VPS41: variants seen among roughly 807,000 people sequenced by gnomAD.
The protein encoded by VPS41 is VPS41 subunit of HOPS complex, also known as vacuolar protein sorting-associated protein 41 homolog.
VPS41 carries 85 observed loss-of-function variants against 130.9 expected under a neutral mutation model. That is an observed-to-expected ratio of 0.65 (90% confidence interval 0.55 to 0.78). VPS41 has a LOEUF of 0.78. Among genes scored for constraint, VPS41 ranks in the 30% least tolerant of loss-of-function variants. The probability of loss-of-function intolerance (pLI) is 0.00; values close to 1 mark genes in which losing one functional copy is unlikely to be tolerated. For missense variants in VPS41, 874 were observed against 1,018.7 expected, an observed-to-expected ratio of 0.86 and a Z score of 1.93; for synonymous variants, 335 against 332.9, an observed-to-expected ratio of 1.01 and a Z score of -0.07.
At chr7:38,862,778 T>A (rs1475451240) in intron 3 of VPS41, among the ~76,000 whole-genome samples, 156 bp from the exon 4 acceptor site, 1 of 152,164 alleles carries the variant, frequency 6.6e-6, no homozygotes, top group Non-Finnish European at 1.5e-5. Context: ...GTTTCCAGCT[T>A]CTGGGAAATA....
At chr7:38,779,181 C>T (rs780466559) in intron 10 of VPS41, among the ~76,000 whole-genome samples, 3 of 152,254 alleles carry the variant, frequency 2.0e-5, no homozygotes, top group East Asian at 1.9e-4. Flanking sequence ...AATTTGGACA[C>T]GGACTATATG....
At chr7:38,789,714 A>G (rs985356002) in intron 10 of VPS41, 87 bp downstream of exon 10, 2 of 1,364,726 alleles carry the variant, frequency 1.5e-6, no homozygotes, top group Non-Finnish European at 2.1e-6. Flanking sequence ...TCCAGGCAAA[A>G]GACTATGGCA....
intron 10 of VPS41, among the ~76,000 whole-genome samples, chr7:38,782,496 GT>G (rs1784369758): frequency 6.6e-6 from 1 of 152,164 alleles, no homozygotes; most frequent in African/African-American, 2.4e-5. Context: ...TGGGTTTTTG[GT>G]TTTGTGACCT....
At chr7:38,784,635 A>G (rs375737155) in intron 10 of VPS41, among the ~76,000 whole-genome samples, 11 of 138,062 alleles carry the variant, frequency 8.0e-5, no homozygotes, top group African/African-American at 2.9e-4. Flanking sequence ...CCCTATATCG[A>G]AAGAAGGAGG....
intron 4 of VPS41, among the ~76,000 whole-genome samples, chr7:38,850,224 G>T (rs1181640325): frequency 6.6e-6 from 1 of 152,174 alleles, no homozygotes; most frequent in East Asian, 1.9e-4. Context: ...TTGCCAAGTT[G>T]ATGGTTATAA....
chr7:38,860,707 G>A (rs1199788035), intron 4 of VPS41, among the ~76,000 whole-genome samples: 4 of 72,452 alleles, frequency 5.5e-5, no homozygotes, highest in African/African-American at 1.2e-4. Flanking sequence ...TTGTGTGTGT[G>A]TGTGTGTGTG....
chr7:38,825,522 C>A (rs2190668), intron 5 of VPS41, among the ~76,000 whole-genome samples: 2 of 152,148 alleles, frequency 1.3e-5, no homozygotes, highest in African/African-American at 2.4e-5. Context: ...GGAATCCCTC[C>A]GCTTTTGGGA....
intron 4 of VPS41, among the ~76,000 whole-genome samples, chr7:38,841,500 T>C (rs1785606951): frequency 6.6e-6 from 1 of 152,182 alleles, no homozygotes; most frequent in Non-Finnish European, 1.5e-5. Flanking sequence ...AGCTTCAAAG[T>C]CAGTGGATGC....
chr7:38,827,223 C>T (rs1329983441), intron 5 of VPS41, among the ~76,000 whole-genome samples: 3 of 152,118 alleles, frequency 2.0e-5, no homozygotes, highest in Non-Finnish European at 2.9e-5. Context: ...TAAAAATCTA[C>T]TCCAGGAAGC....
intron 13 of VPS41, among the ~76,000 whole-genome samples, chr7:38,771,573 A>G (rs1784153698): frequency 6.6e-6 from 1 of 152,164 alleles, no homozygotes; most frequent in African/African-American, 2.4e-5. Flanking sequence ...CACAAATCAA[A>G]ATACAACAAA....
chr7:38,877,411 A>G lies in VPS41; in HGVS notation c.61-8158T>C, dbSNP rs1209916633. On this transcript the variant is annotated intron_variant, in intron 2 of 28. Transcript: ENST00000310301. ...TGGCAATTTTGAAATACCATAAACT[A>G]GAATTATAGATAAATTTATAGAAGT... is the stretch of plus-strand genomic sequence containing the variant. 2.0e-5 allele frequency among the ~76,000 whole-genome samples: 3 copies of G among 152,182 alleles called. No homozygotes were observed. In the East Asian group the frequency reaches 5.8e-4, roughly 29 times the overall value.
At chr7:38,896,778 A>T (rs927826010) in intron 2 of VPS41, among the ~76,000 whole-genome samples, 1 of 152,250 alleles carries the variant, frequency 6.6e-6, no homozygotes, top group African/African-American at 2.4e-5. Context: ...CTAGAGTCAT[A>T]TCAGTGTGTA....
intron 7 of VPS41, among the ~76,000 whole-genome samples, chr7:38,810,030 T>G (rs1053116343): frequency 2.0e-5 from 3 of 152,062 alleles, no homozygotes; most frequent in East Asian, 1.9e-4. Context: ...AGGTTACACT[T>G]ACAAAAAAAA....
intron 7 of VPS41, among the ~76,000 whole-genome samples, chr7:38,811,113 T>C (rs1477666966): frequency 6.6e-6 from 1 of 152,172 alleles, no homozygotes; most frequent in Non-Finnish European, 1.5e-5. Context: ...TCTAAATGCC[T>C]TTAGTTTTTA....
At chr7:38,749,653 AAG>A (rs1380884837) in intron 22 of VPS41, among the ~76,000 whole-genome samples, 1 of 152,178 alleles carries the variant, frequency 6.6e-6, no homozygotes, top group African/African-American at 2.4e-5. Flanking sequence ...TCAGGAGAAA[AAG>A]AGATCACATT....
intron 7 of VPS41, among the ~76,000 whole-genome samples, chr7:38,806,465 A>T (rs1205417784): frequency 6.6e-6 from 1 of 152,242 alleles, no homozygotes; most frequent in African/African-American, 2.4e-5. Flanking sequence ...AAGAATAGAC[A>T]TCAATAATGT....
At chr7:38,755,872 G>A (rs995789293) in intron 19 of VPS41, among the ~76,000 whole-genome samples, 1 of 152,108 alleles carries the variant, frequency 6.6e-6, no homozygotes, top group African/African-American at 2.4e-5. Context: ...TCCTCTGCCA[G>A]ACAAGCAGAG....
chr7:38,830,590 T>C (rs990299237), intron 4 of VPS41, among the ~76,000 whole-genome samples: 4 of 152,172 alleles, frequency 2.6e-5, no homozygotes, highest in Admixed American at 1.3e-4. Context: ...AATGGAAATA[T>C]GCAAAGTTGA....
intron 14 of VPS41, among the ~76,000 whole-genome samples, chr7:38,769,737 C>T (rs764762275): frequency 1.2e-4 from 19 of 152,190 alleles, no homozygotes; most frequent in Non-Finnish European, 2.5e-4. Flanking sequence ...CATCTATCTT[C>T]ACCTCTCCAA....
Sources: gnomAD v4.1 joint callset for allele counts (sites outside exome capture counted in the v4.1 genomes callset) on GRCh38, gnomAD v4.1.1 for gene constraint, MANE v1.5 for transcripts, NCBI Gene and HGNC (gene_info 2026-07-23, HGNC 2026-07-21) for gene names.